DGKB: variants seen among roughly 807,000 people sequenced by gnomAD.
DGKB encodes the protein diacylglycerol kinase beta, also known as 90 kDa diacylglycerol kinase.
A neutral mutation model predicts 114.3 loss-of-function variants in DGKB; 67 were observed. That is an observed-to-expected ratio of 0.59 (90% CI 0.48 to 0.72). The LOEUF is 0.72. DGKB is among the 30% of genes least tolerant of loss of function. The pLI is 0.00. For synonymous variants in DGKB, 398 were observed against 323.1 expected, an observed-to-expected ratio of 1.23 and a Z score of -2.49; for missense variants, 907 against 975.2, an observed-to-expected ratio of 0.93 and a Z score of 0.93.
In DGKB at chr7:14,149,023, C is replaced by T. The variant is rs1781784130; in HGVS notation, c.*108G>A. 1 of 962,402 alleles carries T rather than the reference C, an allele frequency of 1.0e-6. No homozygotes were observed. Among genetic ancestry groups the T allele is most frequent in the African/African-American group, 1.6e-5 (1 of 61,426 alleles). The allele number at this position is 962,402 out of a possible 1,614,324, so 59.6% of individuals were successfully genotyped here. A position where few individuals can be genotyped will look rare whatever the true frequency, so the allele number is the denominator to read the frequency against. On this transcript the variant is annotated 3_prime_UTR_variant, in exon 26 of 26. Transcript: ENST00000402815. ...GTAACAAAAACTGTTAAACCACTTC[C>T]ATGATTTTGCATGAGCAGGAGACTT...
intron 1 of DGKB, among the ~76,000 whole-genome samples, chr7:14,871,650 C>T (rs999463559): frequency 5.3e-5 from 8 of 152,118 alleles, no homozygotes; most frequent in Non-Finnish European, 8.8e-5. Flanking sequence ...ATAAAACATA[C>T]GTAACACAAT....
At chr7:14,719,622 T>A (rs1409792414) in intron 5 of DGKB, among the ~76,000 whole-genome samples, 1 of 152,108 alleles carries the variant, frequency 6.6e-6, no homozygotes, top group Middle Eastern at 3.2e-3. Context: ...AACACAGTTC[T>A]AGAACCCTGT....
At chr7:14,154,122 G>T (rs1782617495) in intron 25 of DGKB, among the ~76,000 whole-genome samples, 1 of 150,212 alleles carries the variant, frequency 6.7e-6, no homozygotes, top group African/African-American at 2.4e-5. Context: ...AGGGCTTCTG[G>T]CATATAAACA....
chr7:14,279,236 C>T (rs1437483164), intron 23 of DGKB, among the ~76,000 whole-genome samples: 3 of 150,986 alleles, frequency 2.0e-5, no homozygotes, highest in Non-Finnish European at 4.4e-5. Flanking sequence ...GTCCTACCCC[C>T]ACGGAGTCTC....
At chr7:14,480,130 CA>C (rs950950285) in intron 20 of DGKB, among the ~76,000 whole-genome samples, 29 of 151,694 alleles carry the variant, frequency 1.9e-4, no homozygotes, top group African/African-American at 6.8e-4. Context: ...GGGAGAGAGG[CA>C]AGAAGACAGG....
chr7:14,784,045 TGA>T (rs1333544016), intron 2 of DGKB, among the ~76,000 whole-genome samples: 7 of 152,196 alleles, frequency 4.6e-5, no homozygotes, highest in African/African-American at 1.7e-4. Context: ...AATATAATGT[TGA>T]GTTTTACTGA....
At position 14,561,262 on chromosome 7, in the gene DGKB, T is replaced by C. The variant is rs553309424; in HGVS notation, c.1770+12950A>G. ...TGACACCATGTAAGATGTGGCTTTG[T>C]TCCTCCTTTTCTTTCTGCCATGATA... On this transcript the variant is annotated intron_variant, in intron 20 of 25. Coordinates refer to ENST00000402815, the MANE Select transcript of DGKB (RefSeq NM_001350709.2). Among the ~76,000 whole-genome samples the C allele has an allele frequency of 2.6e-5, 4 of 152,314 alleles. No homozygotes were observed. In the East Asian group the frequency reaches 7.7e-4, roughly 29 times the overall value.
chr7:14,910,608 C>T (rs939478686), intron 1 of DGKB, among the ~76,000 whole-genome samples: 12 of 152,060 alleles, frequency 7.9e-5, no homozygotes, highest in Admixed American at 5.9e-4. Flanking sequence ...AAGATACTCT[C>T]GTTACTTTCA....
At position 14,194,589 on chromosome 7, in the gene DGKB, C is replaced by T. The variant is rs905200355; in HGVS notation, c.2123-16438G>A. ...AAAAATCTAGCAGTGTGAAATGTTGCATTCCCTGTTGAAATCTAAAAATGA... is the reference window on the plus strand; with the variant it reads ...AAAAATCTAGCAGTGTGAAATGTTGTATTCCCTGTTGAAATCTAAAAATGA... On this transcript the variant is annotated intron_variant, in intron 23 of 25. Transcript: ENST00000402815. 2.0e-5 allele frequency among the ~76,000 whole-genome samples: 3 copies of T among 152,194 alleles called. No individual in the cohort carries two copies. In the South Asian group the frequency reaches 6.2e-4, roughly 32 times the overall value.
rs1554401907 is a variant in DGKB, at chr7:14,387,117, T to TTTATTTA, written c.1836-41733_1836-41727dup. On this transcript the variant is annotated intron_variant, in intron 21 of 25. Transcript: ENST00000402815. ...TTTTGATTATTTATTTATTTATTTA[T>TTTATTTA]TTATTTATTTAAAGACAGTGTCTTG... is the stretch of plus-strand genomic sequence containing the variant. Among the ~76,000 whole-genome samples, 34 of 147,974 alleles carry TTTATTTA rather than the reference T, an allele frequency of 2.3e-4. No individual in the cohort carries two copies. In the South Asian group the frequency reaches 2.7e-3, roughly 12 times the overall value.
intron 1 of DGKB, among the ~76,000 whole-genome samples, chr7:14,953,151 A>G (rs999610324): frequency 6.6e-6 from 1 of 152,102 alleles, no homozygotes; most frequent in Non-Finnish European, 1.5e-5. Flanking sequence ...GGATTTGCCA[A>G]TAGCTTCTTA....
chr7:14,450,837 A>C (rs1831383626), intron 21 of DGKB, among the ~76,000 whole-genome samples: 1 of 152,056 alleles, frequency 6.6e-6, no homozygotes, highest in African/African-American at 2.4e-5. Context: ...TAGAATGACA[A>C]GACTCTTGAA....
chr7:14,486,193 C>T (rs1374697303), intron 20 of DGKB, among the ~76,000 whole-genome samples: 1 of 152,120 alleles, frequency 6.6e-6, no homozygotes, highest in Non-Finnish European at 1.5e-5. Context: ...TTCCCATTGT[C>T]CCTCCCATTC....
chr7:14,593,820 T>A (rs1221942204), intron 17 of DGKB, among the ~76,000 whole-genome samples: 2 of 147,180 alleles, frequency 1.4e-5, no homozygotes, highest in African/African-American at 2.5e-5. Flanking sequence ...ATGGTCCAGT[T>A]AAAAAAAGAA....
chr7:14,618,150 A>T (rs1218110223), intron 15 of DGKB, among the ~76,000 whole-genome samples: 3 of 151,540 alleles, frequency 2.0e-5, no homozygotes, highest in African/African-American at 7.3e-5. Context: ...GTACACACAC[A>T]TACATCAAAG....
At position 14,938,304 on chromosome 7, in the gene DGKB, G is replaced by A. The variant is rs543673126; in HGVS notation, c.-188+36392C>T. Among the ~76,000 whole-genome samples, 7 of 152,280 alleles carry A rather than the reference G, an allele frequency of 4.6e-5. No homozygotes were observed. The East Asian group carries it at 1.4e-3, about 29-fold the overall frequency. On this transcript the variant is annotated intron_variant, in intron 1 of 4. Coordinates refer to the DGKB transcript ENST00000437998. The stretch of plus-strand genomic sequence containing the variant: ...ATAATTTTAAAGGTGGTATCTAAGA[G>A]ATTAAACAGAATACAGAGCAAGTAA...
chr7:14,641,123 T>C (rs1811699375), intron 13 of DGKB, among the ~76,000 whole-genome samples: 1 of 152,160 alleles, frequency 6.6e-6, no homozygotes, highest in African/African-American at 2.4e-5. Flanking sequence ...GAATAGCAAA[T>C]TTTGCACATT....
intron 23 of DGKB, among the ~76,000 whole-genome samples, chr7:14,194,130 A>G (rs1266899285): frequency 6.6e-6 from 1 of 152,154 alleles, no homozygotes; most frequent in Non-Finnish European, 1.5e-5. Context: ...ATTATGGAAA[A>G]CAGTATGGAG....
intron 1 of DGKB, among the ~76,000 whole-genome samples, chr7:14,871,876 T>C (rs1411371842): frequency 6.6e-6 from 1 of 152,168 alleles, no homozygotes; most frequent in Non-Finnish European, 1.5e-5. Flanking sequence ...ATTTTACCCA[T>C]TTAGTTTTCA....
Sources: allele counts gnomAD v4.1 joint callset (sites outside exome capture counted in the v4.1 genomes callset), GRCh38; gene constraint gnomAD v4.1.1; transcripts MANE v1.5; gene names NCBI Gene and HGNC (gene_info 2026-07-23, HGNC 2026-07-21).